The following TUSC3 variants were observed in gnomAD, a reference collection of about 807,000 sequenced individuals.
TUSC3 encodes the protein tumor suppressor candidate 3, also known as dolichyl-diphosphooligosaccharide--protein glycosyltransferase subunit TUSC3.
In TUSC3, 45 loss-of-function variants were observed where a neutral mutation model predicts 44.8. The ratio of observed to expected loss-of-function variants is 1.00; its 90% CI spans 0.79 to 1.29. The LOEUF (loss-of-function observed/expected upper bound fraction) is 1.29. Among genes scored for constraint, TUSC3 ranks in the 50% most tolerant of loss-of-function variants. The pLI is 0.00. For missense variants in TUSC3, 519 were observed against 437.9 expected (o/e 1.19, Z -1.65); for synonymous variants, 212 against 152.9 (o/e 1.39, Z -2.85).
Position 15,648,468 on chromosome 8 carries a change from T to C in TUSC3, c.309-2229T>C, listed in dbSNP as rs563589578. 2.0e-5 allele frequency among the ~76,000 whole-genome samples: 3 copies of C among 150,972 alleles called. No homozygotes were observed. In the South Asian group the frequency reaches 6.4e-4, roughly 32 times the overall value. On this transcript the variant is annotated intron_variant, in intron 2 of 10. Coordinates refer to ENST00000503731, the MANE Select transcript of TUSC3 (RefSeq NM_006765.4). ...TTGGCTGGGCGCAGTGGCTCACGCC[T>C]GTAATCCCAGCACTTTGAGAGGCTG...
chr8:15,476,089 T>C (rs1456785829), intron 1 of TUSC3, among the ~76,000 whole-genome samples: 2 of 152,212 alleles, frequency 1.3e-5, no homozygotes, highest in Non-Finnish European at 2.9e-5. Context: ...ACGTGAACTT[T>C]TTTAACCAAT....
At chr8:15,428,340 G>T (rs878941165) in intron 1 of TUSC3, among the ~76,000 whole-genome samples, 6 of 151,876 alleles carry the variant, frequency 4.0e-5, no homozygotes, top group African/African-American at 1.5e-4. Context: ...TGGTGCATAT[G>T]TGCCACATTT....
chr8:15,752,902 G>C (rs1332064672), intron 9 of TUSC3, among the ~76,000 whole-genome samples: 2 of 151,900 alleles, frequency 1.3e-5, no homozygotes, highest in South Asian at 2.1e-4. Flanking sequence ...GTGAGCTCCA[G>C]AAGTTCAAGA....
At chr8:15,640,233 C>T (rs1043159245) in intron 2 of TUSC3, among the ~76,000 whole-genome samples, 9 of 152,184 alleles carry the variant, frequency 5.9e-5, no homozygotes, top group South Asian at 4.1e-4. Flanking sequence ...TAATGAACCT[C>T]CCTGGTAGAA....
intron 6 of TUSC3, among the ~76,000 whole-genome samples, chr8:15,695,482 G>A (rs745800417): frequency 4.6e-5 from 7 of 152,164 alleles, no homozygotes; most frequent in Non-Finnish European, 1.0e-4. Flanking sequence ...AGGCTTGGGT[G>A]TGTCTTTATC....
intron 1 of TUSC3, among the ~76,000 whole-genome samples, chr8:15,581,369 G>C (rs879309703): frequency 6.7e-6 from 1 of 150,024 alleles, no homozygotes; most frequent in African/African-American, 2.5e-5. Flanking sequence ...GAGGAACTGC[G>C]TTCCTTTGGA....
chr8:15,645,968 A>G (rs146717751), intron 2 of TUSC3, among the ~76,000 whole-genome samples: 11 of 152,252 alleles, frequency 7.2e-5, no homozygotes, highest in South Asian at 2.1e-4. Context: ...GTGGCTGGCT[A>G]TGAAACTATA....
At chr8:15,463,540 G>A (rs1245726854) in intron 1 of TUSC3, among the ~76,000 whole-genome samples, 1 of 152,148 alleles carries the variant, frequency 6.6e-6, no homozygotes, top group African/African-American at 2.4e-5. Flanking sequence ...TCTGGCAAAT[G>A]AATACCTGAG....
chr8:15,443,452 G>A (rs28893803), intron 1 of TUSC3, among the ~76,000 whole-genome samples: 1,869 of 151,634 alleles, frequency 0.012, 40 homozygotes, highest in African/African-American at 0.043. Context: ...GCCTGCCTCA[G>A]CTTCCCAAAG....
At chr8:15,444,638 A>C (rs908208144) in intron 1 of TUSC3, among the ~76,000 whole-genome samples, 4 of 152,162 alleles carry the variant, frequency 2.6e-5, no homozygotes, top group African/African-American at 9.7e-5. Context: ...AGAAGCCCCA[A>C]ATCAGAGCCC....
At chr8:15,427,967 A>AT (rs146236211) in intron 1 of TUSC3, among the ~76,000 whole-genome samples, 38 of 150,158 alleles carry the variant, frequency 2.5e-4, no homozygotes, top group Admixed American at 3.3e-4. Context: ...CTTTTTTTAA[A>AT]TTTTTTTTTT....
chr8:15,834,940 G>A, the TUSC3 span, among the ~76,000 whole-genome samples: 4 of 152,160 alleles, frequency 2.6e-5, no homozygotes, highest in Admixed American at 2.6e-4. Context: ...AGGACTGGTT[G>A]TGGGACTTAA....
At chr8:15,721,255 C>G (rs1263012364) in intron 6 of TUSC3, among the ~76,000 whole-genome samples, 2 of 152,050 alleles carry the variant, frequency 1.3e-5, no homozygotes, top group Non-Finnish European at 2.9e-5. Context: ...CACAGAGAAC[C>G]TGTTCCTAAT....
At chr8:15,631,444 TA>T (rs755894995) in intron 2 of TUSC3, among the ~76,000 whole-genome samples, 1 of 152,200 alleles carries the variant, frequency 6.6e-6, no homozygotes, top group Non-Finnish European at 1.5e-5. Context: ...TTCATCTTTT[TA>T]ATTTCAAGCT....
At chr8:15,418,794 T>C (rs1026712520) in intron 1 of TUSC3, among the ~76,000 whole-genome samples, 1 of 152,114 alleles carries the variant, frequency 6.6e-6, no homozygotes, top group Non-Finnish European at 1.5e-5. Flanking sequence ...TTGCTTGAAG[T>C]CAGCAGTTCA....
the TUSC3 span, among the ~76,000 whole-genome samples, chr8:15,828,088 G>A: frequency 2.0e-5 from 3 of 148,868 alleles, no homozygotes; most frequent in African/African-American, 7.4e-5. Flanking sequence ...TCCACCTCCC[G>A]GGTTCAAGCA....
At chr8:15,471,565 T>C (rs578209728) in intron 1 of TUSC3, among the ~76,000 whole-genome samples, 5 of 152,210 alleles carry the variant, frequency 3.3e-5, no homozygotes, top group African/African-American at 1.2e-4. Flanking sequence ...TGAAAGACTT[T>C]ATGAATCATA....
intron 9 of TUSC3, among the ~76,000 whole-genome samples, chr8:15,754,452 C>T (rs971060579): frequency 2.6e-5 from 4 of 152,158 alleles, no homozygotes; most frequent in African/African-American, 7.2e-5. Context: ...CTAGTACAGA[C>T]ACACATTCTT....
the TUSC3 span, among the ~76,000 whole-genome samples, chr8:15,784,213 T>C: frequency 6.6e-6 from 1 of 152,260 alleles, no homozygotes; most frequent in South Asian, 2.1e-4. Flanking sequence ...GGTGAGGATG[T>C]GGAGAAAAGG....
Sources: allele counts gnomAD v4.1 joint callset (sites outside exome capture counted in the v4.1 genomes callset), GRCh38; gene constraint gnomAD v4.1.1; transcripts MANE v1.5; gene names NCBI Gene and HGNC (gene_info 2026-07-23, HGNC 2026-07-21).